The following CERS4 variants were observed in gnomAD, a reference collection of about 807,000 sequenced individuals.
CERS4 encodes LAG1 homolog, ceramide synthase 4.
Under a neutral mutation model 51.8 loss-of-function variants are expected in CERS4, and 65 were observed. The observed-to-expected ratio is 1.26, with a 90% CI of 1.03 to 1.54. The LOEUF (loss-of-function observed/expected upper bound fraction) is 1.54. Among genes scored for constraint, CERS4 ranks in the 40% most tolerant of loss-of-function variants. The pLI is 0.00. For missense variants in CERS4, 563 were observed against 500.4 expected (o/e 1.13, Z -1.19); for synonymous variants, 228 against 208.4 (o/e 1.09, Z -0.81).
intron 2 of CERS4, among the ~76,000 whole-genome samples, chr19:8,221,880 T>A (rs1431642636): frequency 0.03 from 2,847 of 94,306 alleles, 173 homozygotes; most frequent in African/African-American, 0.11. Context: ...ATGTTTTTTT[T>A]TTTTTTTTTT....
rs116288099 is a variant in CERS4 at position 8,250,751 on chromosome 19, G to A, written c.-1-325G>A. The A allele has an allele frequency of 1.9e-3, 1,936 of 1,000,776 alleles. 40 individuals carry two copies. The African/African-American group carries it at 0.03, about 16-fold the overall frequency. The allele number at this position is 1,000,776 out of a possible 1,614,324, so 62.0% of individuals were successfully genotyped here. On this transcript the variant is annotated intron_variant, in intron 2 of 11. Transcript: ENST00000251363. ...ATTACAGGCGTGAGCAACTGCGCCC[G>A]GCCTACTACTCTGTTTTACAGATGA...
At chr19:8,236,167 C>G (rs1441820136) in intron 2 of CERS4, among the ~76,000 whole-genome samples, 1 of 152,044 alleles carries the variant, frequency 6.6e-6, no homozygotes, top group Non-Finnish European at 1.5e-5. Flanking sequence ...TGCACTCCGG[C>G]CTGGGTGACA....
chr19:8,262,341 A>G lies in CERS4; in HGVS notation c.*232A>G. ...CAGCAGCTGGATGCTGTGGCTGGCC[A>G]GAGACACCTCCAGGCTGTGGCCTGG... On this transcript the variant is annotated 3_prime_UTR_variant, in exon 12 of 12. Coordinates refer to ENST00000251363, the MANE Select transcript of CERS4 (RefSeq NM_024552.3). 4.8e-6 allele frequency: 2 copies of G among 414,688 alleles called. No individual in the cohort carries two copies. The highest frequency in any genetic ancestry group is 4.1e-5 in the Admixed American group (1 of 24,192). The allele number at this position is 414,688 out of a possible 1,614,324, so 25.7% of individuals were successfully genotyped here. A position where few individuals can be genotyped will look rare whatever the true frequency, so the allele number is the denominator to read the frequency against.
At chr19:8,213,050 G>A (rs1967144142) in intron 2 of CERS4, among the ~76,000 whole-genome samples, 1 of 150,034 alleles carries the variant, frequency 6.7e-6, no homozygotes, top group Admixed American at 6.7e-5. Flanking sequence ...TTTTTGTTTT[G>A]TTTTTTCAAG....
intron 2 of CERS4, among the ~76,000 whole-genome samples, chr19:8,215,196 G>C (rs1168180385): frequency 6.6e-6 from 1 of 151,918 alleles, no homozygotes; most frequent in African/African-American, 2.4e-5. Context: ...CCAAGCAGCA[G>C]GGCCAGGCGC....
At chr19:8,230,836 TTTTG>T (rs796755303) in intron 2 of CERS4, among the ~76,000 whole-genome samples, 29 of 152,196 alleles carry the variant, frequency 1.9e-4, no homozygotes, top group Middle Eastern at 6.8e-3. Context: ...TTGTTTTTTG[TTTTG>T]TTTGTTTGTT....
intron 2 of CERS4, among the ~76,000 whole-genome samples, chr19:8,232,520 G>A (rs1045521383): frequency 6.6e-6 from 1 of 151,506 alleles, no homozygotes; most frequent in Non-Finnish European, 1.5e-5. Context: ...TCGAACTCCC[G>A]ACCTCAGATG....
At chr19:8,232,261 G>T (rs576530846) in intron 2 of CERS4, among the ~76,000 whole-genome samples, 72 of 151,932 alleles carry the variant, frequency 4.7e-4, no homozygotes, top group African/African-American at 1.7e-3. Context: ...CCTCTTTAGA[G>T]TGATACTGTC....
rs1969273567 is a variant in CERS4, at chr19:8,254,616, G to A, written c.291G>A (p.Glu97=). 1.2e-6 allele frequency: 2 copies of A among 1,604,904 alleles called. No homozygotes were observed. The highest frequency in any genetic ancestry group is 1.7e-5 in the Admixed American group (1 of 58,884). Residue 97 remains glutamate, a splice_region_variant and synonymous_variant, in exon 4 of 12, where the codon GAG becomes GAA. Transcript: ENST00000251363. ...HFLTEGHRPK[E]PQLSLLAAQC... ...TCACGGAAGGGCACAGGCCCAAGGA[G>A]GTGAGAGCCCCCCATGCCCTCCGAC... is the stretch of plus-strand genomic sequence containing the variant.
intron 2 of CERS4, among the ~76,000 whole-genome samples, chr19:8,213,317 T>C (rs1967156050): frequency 6.6e-6 from 1 of 152,044 alleles, no homozygotes; most frequent in Non-Finnish European, 1.5e-5. Flanking sequence ...ACTCGGCCTC[T>C]TTCTTTCTTT....
chr19:8,225,510 G>A (rs936964698), intron 2 of CERS4, among the ~76,000 whole-genome samples: 5 of 144,950 alleles, frequency 3.4e-5, no homozygotes, highest in African/African-American at 5.1e-5. Flanking sequence ...TGCAACCTCC[G>A]CCTCCCGGGT....
intron 2 of CERS4, among the ~76,000 whole-genome samples, chr19:8,247,132 C>T (rs552135492): frequency 1.3e-5 from 2 of 152,326 alleles, no homozygotes; most frequent in East Asian, 3.9e-4. Context: ...TGCCACGGTA[C>T]TCCAGGCTGG....
chr19:8,222,818 G>C (rs187992620), intron 2 of CERS4, among the ~76,000 whole-genome samples: 5 of 152,246 alleles, frequency 3.3e-5, no homozygotes, highest in Non-Finnish European at 7.4e-5. Flanking sequence ...TTTTGAAGGA[G>C]AGCAGTGAGT....
In CERS4 at chr19:8,262,033, C is replaced by T; in HGVS notation, c.1109C>T (p.Pro370Leu). The change falls in exon 12 of 12, where the codon CCC becomes CTC. Residue 370 changes from proline (P) to leucine (L), a missense_variant. Physicochemically the swap from Pro to Leu is moderately conservative, Grantham distance 98. Transcript: ENST00000251363. ...CTAAAGAACGGGGCAGCTGGAGGGC[C>T]CAGGCCAGCCCCCACTGATGGCCCT... ...LQLKNGAAGG[P>L]RPAPTDGPRS... 1 of 1,558,490 alleles carries T rather than the reference C, an allele frequency of 6.4e-7. No individual in the cohort carries two copies.
rs778178926 is a variant in CERS4, at chr19:8,261,953, TG to T, written c.1030del (p.Val344Ter). On this transcript the variant is annotated frameshift_variant, in exon 12 of 12. Coordinates refer to ENST00000251363, the MANE Select transcript of CERS4 (RefSeq NM_024552.3). LOFTEE classifies it low-confidence loss of function (END_TRUNC). ...AGATGGAGAAGGACATTCGTAGTGATGTAGAAGAATCAGACTCCAGTGAGGA... is the reference window on the plus strand; with the variant it reads ...AGATGGAGAAGGACATTCGTAGTGATTAGAAGAATCAGACTCCAGTGAGGA... ...GQMEKDIRSD[V>X]EESDSSEEAA... 4 of 1,607,072 alleles carry T rather than the reference TG, an allele frequency of 2.5e-6. No individual in the cohort carries two copies. In the South Asian group the frequency reaches 4.4e-5, roughly 18 times the overall value.
At chr19:8,213,668 C>T (rs963492818) in intron 2 of CERS4, among the ~76,000 whole-genome samples, 2 of 151,924 alleles carry the variant, frequency 1.3e-5, no homozygotes, top group African/African-American at 4.8e-5. Context: ...TGGCTCTGAC[C>T]AGAGTAGCAT....
intron 2 of CERS4, among the ~76,000 whole-genome samples, chr19:8,235,030 CAG>C (rs1281290510): frequency 1.8e-5 from 2 of 112,068 alleles, no homozygotes; most frequent in African/African-American, 3.5e-5. Context: ...TTTTTTCAGA[CAG>C]AGTTTCACTC....
intron 2 of CERS4, among the ~76,000 whole-genome samples, chr19:8,233,488 T>G (rs1968106287): frequency 6.6e-6 from 1 of 151,926 alleles, no homozygotes; most frequent in Non-Finnish European, 1.5e-5. Flanking sequence ...TTTTTTATAT[T>G]TAGCTCAGTG....
intron 6 of CERS4, 24 bp downstream of exon 6, chr19:8,255,903 A>G: frequency 1.2e-6 from 2 of 1,612,190 alleles, no homozygotes; most frequent in Non-Finnish European, 1.7e-6. Flanking sequence ...AGTATAGCTG[A>G]CTGCTCACCT....
Sources: allele counts gnomAD v4.1 joint callset (sites outside exome capture counted in the v4.1 genomes callset), GRCh38; gene constraint gnomAD v4.1.1; transcripts MANE v1.5; gene names NCBI Gene and HGNC (gene_info 2026-07-23, HGNC 2026-07-21).